Variants in RPA2 observed in about 807,000 individuals in gnomAD.
RPA2 encodes replication protein A 32 kDa subunit.
In RPA2, 22 loss-of-function variants were observed where a neutral mutation model predicts 33.4. The observed-to-expected ratio is 0.66, with a 90% confidence interval of 0.47 to 0.94. The LOEUF (loss-of-function observed/expected upper bound fraction) is 0.94, where lower values mean the gene tolerates loss of function less well. RPA2 is among the 40% of genes least tolerant of loss of function. The pLI is 0.00. For synonymous variants in RPA2, 109 were observed against 114.9 expected (o/e 0.95, Z 0.33); for missense variants, 279 against 329.9 (o/e 0.85, Z 1.19).
upstream of RPA2, chr1:27,914,768 C>T (rs545878844): frequency 5.6e-6 from 7 of 1,245,640 alleles, no homozygotes; most frequent in Middle Eastern, 3.7e-4. Context: ...GCTGGCAGAG[C>T]GGTATCGCAA....
intron 4 of RPA2, among the ~76,000 whole-genome samples, chr1:27,899,529 AAAC>A (rs1484041747): frequency 0.01 from 1,557 of 151,054 alleles, 37 homozygotes; most frequent in African/African-American, 0.035. Flanking sequence ...AAAAAAAAAA[AAAC>A]CACACAAACA....
At position 27,906,915 on chromosome 1, in the gene RPA2, AAC is replaced by A; in HGVS notation, c.333+11_333+12del. On this transcript the variant is annotated intron_variant, in intron 4 of 8. Transcript: ENST00000373912. Reference sequence around the variant, plus strand: ...CAAAGTAACCCCATCATGATTCAAAAACAGCCACTTACATCTGTGTCAACCCA... The same window carrying A: ...CAAAGTAACCCCATCATGATTCAAAAAGCCACTTACATCTGTGTCAACCCA... 4 of 1,583,788 alleles carry A rather than the reference AAC, an allele frequency of 2.5e-6. No individual in the cohort carries two copies. Among genetic ancestry groups the A allele is most frequent in the Non-Finnish European group, 3.5e-6 (4 of 1,159,016 alleles).
In RPA2 at chr1:27,906,983, T is replaced by C; in HGVS notation, c.278A>G (p.Lys93Arg). ...GGGTGCAGCTGTCATGTCATCTATT[T>C]TGTAAACAATGTTGGTTGGAGCCTT... ...AEKAPTNIVY[K>R]IDDMTAAPMD... The change falls in exon 4 of 9, where the codon AAA becomes AGA. Residue 93 changes from lysine to arginine, a missense_variant. Physicochemically the swap from Lys to Arg is conservative, Grantham distance 26. Coordinates refer to ENST00000373912, the MANE Select transcript of RPA2 (RefSeq NM_002946.5). 1 of 1,614,140 alleles carries C rather than the reference T, an allele frequency of 6.2e-7. No homozygotes were observed. The highest frequency in any genetic ancestry group is 8.5e-7 in the Non-Finnish European group (1 of 1,180,040).
intron 2 of RPA2, among the ~76,000 whole-genome samples, chr1:27,908,903 T>A (rs1321954949): frequency 6.6e-6 from 1 of 152,180 alleles, no homozygotes. Context: ...GGGACAGGAT[T>A]TACCCTCAAC....
intron 8 of RPA2, 60 bp downstream of exon 8, chr1:27,893,952 C>T: frequency 1.4e-6 from 2 of 1,422,142 alleles, no homozygotes. Flanking sequence ...ATCAGGAAAC[C>T]CTTGTGAGGT....
rs776471331 is a variant in RPA2, at chr1:27,914,145, G to A, written c.35C>T (p.Ser12Phe). 15 of 1,613,584 alleles carry A rather than the reference G, an allele frequency of 9.3e-6. No individual in the cohort carries two copies. In the East Asian group the frequency reaches 2.0e-4, roughly 22 times the overall value. ...GTAGCCGCCGGCTCCCCCGTATGAG[G>A]AGCTGCCATAGCTTTCGAATCCACC... Reference protein sequence around the residue: ...WNSGFESYGSSSYGGAGGYTQ... With the variant: ...WNSGFESYGSFSYGGAGGYTQ... The change falls in exon 2 of 9, where the codon TCC (serine) becomes TTC (phenylalanine). Residue 12 changes from serine (S) to phenylalanine (F), a missense_variant. Ser to Phe is a radical substitution (Grantham distance 155). This residue lies in a region of RPA2 where 274 missense variants were observed against 310.3 expected (regional missense o/e 0.88). Transcript: ENST00000373912.
chr1:27,892,522 T>C (rs2089837643), intron 8 of RPA2, among the ~76,000 whole-genome samples: 1 of 152,220 alleles, frequency 6.6e-6, no homozygotes, highest in African/African-American at 2.4e-5. Context: ...CTCACTTAAA[T>C]ACAGTCTAAG....
At chr1:27,894,897 T>G (rs1217738943) in intron 6 of RPA2, among the ~76,000 whole-genome samples, 2 of 152,180 alleles carry the variant, frequency 1.3e-5, no homozygotes, top group African/African-American at 4.8e-5. Flanking sequence ...CCACCATATT[T>G]GGGTTGTCCC....
At chr1:27,910,696 G>A (rs1187147120) in intron 2 of RPA2, among the ~76,000 whole-genome samples, 1 of 152,036 alleles carries the variant, frequency 6.6e-6, no homozygotes, top group Non-Finnish European at 1.5e-5. Flanking sequence ...GAAACATTTT[G>A]GATAGAGTTC....
chr1:27,910,787 G>T (rs1053932298), intron 2 of RPA2, among the ~76,000 whole-genome samples: 2 of 152,136 alleles, frequency 1.3e-5, no homozygotes, highest in African/African-American at 4.8e-5. Flanking sequence ...TTGACCCCTG[G>T]AGTTAAGAGT....
intron 5 of RPA2, 30 bp downstream of exon 5, chr1:27,897,603 A>T (rs750942363): frequency 6.5e-7 from 1 of 1,537,788 alleles, no homozygotes; most frequent in Non-Finnish European, 8.8e-7. Flanking sequence ...ATGCAAAAAC[A>T]CTTTAACTGT....
rs575015638 is a variant in RPA2, at chr1:27,893,952, C to G, written c.728+60G>C. 4.5e-5 allele frequency: 64 copies of G among 1,422,142 alleles called. No individual in the cohort carries two copies. In the African/African-American group the frequency reaches 7.6e-4, roughly 17 times the overall value. 88.1% of individuals were successfully genotyped at this position (1,422,142 alleles called of 1,614,324 possible). A position where few individuals can be genotyped will look rare whatever the true frequency, so the allele number is the denominator to read the frequency against. ...AACCCACTTCTCACTATCAGGAAAC[C>G]CTTGTGAGGTGAAATAGGTACAATG... On this transcript the variant is annotated intron_variant, in intron 8 of 8. Coordinates refer to ENST00000373912, the MANE Select transcript of RPA2 (RefSeq NM_002946.5).
At chr1:27,910,819 C>T (rs562978261) in intron 2 of RPA2, among the ~76,000 whole-genome samples, 3 of 152,140 alleles carry the variant, frequency 2.0e-5, no homozygotes, top group Admixed American at 2.0e-4. Context: ...TATGACTGCA[C>T]CACTGCACTC....
intron 2 of RPA2, 128 bp from the exon 3 acceptor site, chr1:27,907,410 G>C (rs1390414792): frequency 3.8e-6 from 3 of 785,060 alleles, no homozygotes; most frequent in Non-Finnish European, 6.0e-6. Flanking sequence ...CATTATCCTT[G>C]CTTCAGAGAG....
At chr1:27,908,648 C>A (rs2090061362) in intron 2 of RPA2, among the ~76,000 whole-genome samples, 1 of 151,830 alleles carries the variant, frequency 6.6e-6, no homozygotes, top group Non-Finnish European at 1.5e-5. Flanking sequence ...AGGTGCACGC[C>A]ACCATGCCCA....
chr1:27,892,039 A>C lies in RPA2; in HGVS notation c.*124T>G. On this transcript the variant is annotated 3_prime_UTR_variant, in exon 9 of 9. Coordinates refer to ENST00000373912, the MANE Select transcript of RPA2 (RefSeq NM_002946.5). ...GTAAGTTTCAAAAGGAAGTCAGAGG[A>C]GACATTTGATAGATGAAACCTACTT... The C allele has an allele frequency of 3.0e-6, 2 of 665,874 alleles. No homozygotes were observed. Among genetic ancestry groups the C allele is most frequent in the Non-Finnish European group, 5.2e-6 (2 of 381,772 alleles). 41.2% of individuals were successfully genotyped at this position (665,874 alleles called of 1,614,324 possible).
chr1:27,901,082 T>C (rs1208138566), intron 4 of RPA2, among the ~76,000 whole-genome samples: 2 of 152,190 alleles, frequency 1.3e-5, no homozygotes, highest in Non-Finnish European at 2.9e-5. Flanking sequence ...GGTTTGAGAT[T>C]GAATCCAATT....
chr1:27,908,187 CAT>C, intron 2 of RPA2, among the ~76,000 whole-genome samples: 1 of 151,990 alleles, frequency 6.6e-6, no homozygotes. Flanking sequence ...AGTGCAGTGG[CAT>C]TACAGCTCAC....
chr1:27,893,136 C>T (rs1334509356), intron 8 of RPA2, among the ~76,000 whole-genome samples: 1 of 152,190 alleles, frequency 6.6e-6, no homozygotes, highest in East Asian at 1.9e-4. Context: ...GTCTAAATCC[C>T]ATAATGAAAT....
Sources: allele counts gnomAD v4.1 joint callset (sites outside exome capture counted in the v4.1 genomes callset), GRCh38; gene constraint gnomAD v4.1.1; regional missense constraint gnomAD v4.1.1; transcripts MANE v1.5; gene names NCBI Gene and HGNC (gene_info 2026-07-23, HGNC 2026-07-21).